ATP5PB: variants seen among roughly 807,000 people sequenced by gnomAD.
ATP5PB encodes ATP synthase peripheral stalk-membrane subunit b, also known as ATP synthase peripheral stalk subunit b, mitochondrial.
ATP5PB carries 21 observed loss-of-function variants against 34.5 expected under a neutral mutation model. The observed-to-expected ratio is 0.61, with a 90% CI of 0.43 to 0.88. The LOEUF (loss-of-function observed/expected upper bound fraction) is 0.88, where lower values mean the gene tolerates loss of function less well. Ranked by LOEUF, ATP5PB falls within the 40% of genes least tolerant of loss-of-function variation. The probability of loss-of-function intolerance (pLI) is 0.00; values close to 1 mark genes in which losing one functional copy is unlikely to be tolerated. For synonymous variants in ATP5PB, 108 were observed against 114.1 expected, an observed-to-expected ratio of 0.95 and a Z score of 0.34; for missense variants, 293 against 317.4, an observed-to-expected ratio of 0.92 and a Z score of 0.58.
chr1:111,453,743 T>A (rs575529161), intron 2 of ATP5PB, among the ~76,000 whole-genome samples: 2 of 152,312 alleles, frequency 1.3e-5, no homozygotes, highest in Non-Finnish European at 2.9e-5. Flanking sequence ...TCTAAGCACG[T>A]CACATATATT....
At position 111,449,597 on chromosome 1, in the gene ATP5PB, C is replaced by T. The variant is rs774056916; in HGVS notation, c.40+16C>T. ...GCCACAGCGGGTAAGGGGTATAGAC[C>T]CTGCTCTGGACTATCAGAGTGATTG... On this transcript the variant is annotated intron_variant, in intron 1 of 6. Transcript: ENST00000369722. The T allele has an allele frequency of 1.7e-5, 27 of 1,595,018 alleles. No individual in the cohort carries two copies. In the South Asian group the frequency reaches 2.5e-4, roughly 15 times the overall value.
rs1335567564 is a variant in ATP5PB at position 111,462,526 on chromosome 1, A to G, written c.*1532A>G. On this transcript the variant is annotated 3_prime_UTR_variant, in exon 7 of 7. Transcript: ENST00000369722. ...GTTTATCTGCATTTGATTCTCCCAT[A>G]CTTGTACAAGGATTTATTTGTATTC... The G allele has an allele frequency of 6.6e-6, 1 of 152,202 alleles. No homozygotes were observed. Among genetic ancestry groups the G allele is most frequent in the Non-Finnish European group, 1.5e-5 (1 of 68,028 alleles). The allele number at this position is 152,202 out of a possible 1,614,324, so 9.4% of individuals were successfully genotyped here.
At position 111,456,192 on chromosome 1, in the gene ATP5PB, C is replaced by G. The variant is rs754949769; in HGVS notation, c.330C>G (p.Val110=). 3 of 1,610,418 alleles carry G rather than the reference C, an allele frequency of 1.9e-6. No homozygotes were observed. The highest frequency in any genetic ancestry group is 2.5e-6 in the Non-Finnish European group (3 of 1,178,510). Residue 110 remains valine, a synonymous_variant, in exon 4 of 7, where the codon GTC becomes GTG. Coordinates refer to ENST00000369722, the MANE Select transcript of ATP5PB (RefSeq NM_001688.5). ...CCCTATCAGTACTAGGTGTAATGGTCTATGGAATTAAAAAATATGGTCCCT... is the reference window on the plus strand; with the variant it reads ...CCCTATCAGTACTAGGTGTAATGGTGTATGGAATTAAAAAATATGGTCCCT... The part of the protein sequence containing the change: ...FTALSVLGVM[V]YGIKKYGPFV...
chr1:111,456,257 C>T lies in ATP5PB; in HGVS notation c.387+8C>T. On this transcript the variant is annotated splice_region_variant and intron_variant, in intron 4 of 6. Transcript: ENST00000369722. ...GCTGATAAACTCAATGAGGTAAGAA[C>T]CATAAACTTTATTTCCTATTTTAGA... The T allele has an allele frequency of 6.4e-7, 1 of 1,565,922 alleles. No individual in the cohort carries two copies. The highest frequency in any genetic ancestry group is 8.6e-7 in the Non-Finnish European group (1 of 1,158,750).
Position 111,454,383 on chromosome 1 carries a change from AAT to A in ATP5PB, c.223+30_223+31del, listed in dbSNP as rs778636786. The A allele has an allele frequency of 1.3e-5, 20 of 1,568,454 alleles. No individual in the cohort carries two copies. The South Asian group carries it at 2.3e-4, about 18-fold the overall frequency. ...TGAGCATTTTTGCCTAGTCTCTGGT[AAT>A]ATGTTTTGATGGCACCACTAAAATC... On this transcript the variant is annotated intron_variant, in intron 3 of 6. Coordinates refer to ENST00000369722, the MANE Select transcript of ATP5PB (RefSeq NM_001688.5).
Position 111,449,855 on chromosome 1 carries a change from C to A in ATP5PB, c.59C>A (p.Ala20Glu), listed in dbSNP as rs1291259880. ...AATAAPSLKN[A>E]AFLGPGVLQA... is the part of the protein sequence containing the mutation. The stretch of plus-strand genomic sequence containing the variant: ...TCTGCAGCCCCCTCTCTGAAGAATG[C>A]AGCCTTCCTAGGTCCAGGGTAAGTG... The change falls in exon 2 of 7, where the codon GCA becomes GAA. Residue 20 changes from alanine to glutamate, a missense_variant. By Grantham distance (107) the Ala-to-Glu change is moderately radical (BLOSUM62 -1). Transcript: ENST00000369722. 1 of 1,614,066 alleles carries A rather than the reference C, an allele frequency of 6.2e-7. No homozygotes were observed. Among genetic ancestry groups the A allele is most frequent in the African/African-American group, 1.3e-5 (1 of 74,922 alleles).
At chr1:111,455,183 A>C (rs1171320778) in intron 3 of ATP5PB, among the ~76,000 whole-genome samples, 1 of 152,194 alleles carries the variant, frequency 6.6e-6, no homozygotes, top group Non-Finnish European at 1.5e-5. Context: ...AGTCACCTAA[A>C]GTAGCATTTT....
Position 111,462,544 on chromosome 1 carries a change from T to G in ATP5PB, c.*1550T>G, listed in dbSNP as rs1653652678. Reference sequence around the variant, plus strand: ...CTCCCATACTTGTACAAGGATTTATTTGTATTCAAATGGACAAATTACGCA... The same window carrying G: ...CTCCCATACTTGTACAAGGATTTATGTGTATTCAAATGGACAAATTACGCA... On this transcript the variant is annotated 3_prime_UTR_variant, in exon 7 of 7. Coordinates refer to ENST00000369722, the MANE Select transcript of ATP5PB (RefSeq NM_001688.5). The G allele has an allele frequency of 2.6e-5, 4 of 152,374 alleles. No individual in the cohort carries two copies. In the South Asian group the frequency reaches 8.3e-4, roughly 32 times the overall value. 9.4% of individuals were successfully genotyped at this position (152,374 alleles called of 1,614,324 possible). A position where few individuals can be genotyped will look rare whatever the true frequency, so the allele number is the denominator to read the frequency against.
In ATP5PB at chr1:111,449,568, C is replaced by G; in HGVS notation, c.27C>G (p.Ala9=). 6.2e-7 allele frequency: 1 copy of G among 1,609,606 alleles called. No individual in the cohort carries two copies. The highest frequency in any genetic ancestry group is 8.5e-7 in the Non-Finnish European group (1 of 1,177,470). MLSRVVLS[A]AATAAPSLKN... is the part of the protein sequence containing the mutation. ...TGCTGTCCCGGGTGGTACTTTCCGCCGCCGCCACAGCGGGTAAGGGGTATA... is the reference window on the plus strand; with the variant it reads ...TGCTGTCCCGGGTGGTACTTTCCGCGGCCGCCACAGCGGGTAAGGGGTATA... The change falls in exon 1 of 7, where the codon GCC becomes GCG. Residue 9 remains alanine, a synonymous_variant. Coordinates refer to ENST00000369722, the MANE Select transcript of ATP5PB (RefSeq NM_001688.5).
intron 2 of ATP5PB, among the ~76,000 whole-genome samples, chr1:111,452,119 CAA>C (rs112587127): frequency 3.0e-4 from 33 of 109,642 alleles, no homozygotes; most frequent in African/African-American, 5.2e-4. Flanking sequence ...GACTTTGTCT[CAA>C]AAAAAAAAAA....
chr1:111,458,783 A>G (rs757723012), intron 5 of ATP5PB, among the ~76,000 whole-genome samples: 17 of 152,298 alleles, frequency 1.1e-4, no homozygotes, highest in Non-Finnish European at 2.9e-5. Flanking sequence ...GGCCTTATGT[A>G]GCCTTACTGC....
chr1:111,460,657 A>G (rs1487026263), intron 6 of ATP5PB, among the ~76,000 whole-genome samples: 1 of 152,192 alleles, frequency 6.6e-6, no homozygotes, highest in Non-Finnish European at 1.5e-5. Context: ...CTGGCCTCAA[A>G]TTCTATACAG....
chr1:111,451,508 C>T (rs1653333599), intron 2 of ATP5PB, among the ~76,000 whole-genome samples: 2 of 152,162 alleles, frequency 1.3e-5, no homozygotes, highest in Admixed American at 6.5e-5. Context: ...ATGTTGAAGG[C>T]TGGAGCTTTG....
At chr1:111,456,876 T>C (rs931566231) in intron 5 of ATP5PB, 121 bp downstream of exon 5, 2 of 1,276,746 alleles carry the variant, frequency 1.6e-6, no homozygotes, top group Non-Finnish European at 2.1e-6. Context: ...AAAGAGAAGA[T>C]TTGTGTAGGA....
chr1:111,456,785 A>C (rs2101758643), intron 5 of ATP5PB, 30 bp downstream of exon 5: 1 of 1,576,990 alleles, frequency 6.3e-7, no homozygotes, highest in Non-Finnish European at 8.6e-7. Context: ...AGGAAGAATG[A>C]AGTTACTTGT....
rs533112094 is a variant in ATP5PB at position 111,462,322 on chromosome 1, G to A, written c.*1328G>A. 1.3e-5 allele frequency: 2 copies of A among 152,358 alleles called. No individual in the cohort carries two copies. The highest frequency in any genetic ancestry group is 4.1e-4 in the South Asian group (2 of 4,824). The allele number at this position is 152,358 out of a possible 1,614,324, so 9.4% of individuals were successfully genotyped here. A position where few individuals can be genotyped will look rare whatever the true frequency, so the allele number is the denominator to read the frequency against. On this transcript the variant is annotated 3_prime_UTR_variant, in exon 7 of 7. Coordinates refer to ENST00000369722, the MANE Select transcript of ATP5PB (RefSeq NM_001688.5). ...CATGAATGAACCTTGAGGACGTTAT[G>A]CAGTTTTACAGGATGAGTTATGGAG...
Position 111,449,596 on chromosome 1 carries a change from C to T in ATP5PB, c.40+15C>T, listed in dbSNP as rs1379255534. ...CGCCACAGCGGGTAAGGGGTATAGA[C>T]CCTGCTCTGGACTATCAGAGTGATT... On this transcript the variant is annotated intron_variant, in intron 1 of 6. Transcript: ENST00000369722. The T allele has an allele frequency of 4.4e-6, 7 of 1,596,276 alleles. No individual in the cohort carries two copies. The highest frequency in any genetic ancestry group is 1.1e-5 in the South Asian group (1 of 88,528).
chr1:111,449,706 G>C, intron 1 of ATP5PB, 125 bp downstream of exon 1: 1 of 1,559,296 alleles, frequency 6.4e-7, no homozygotes, highest in South Asian at 1.1e-5. Flanking sequence ...GTGCAGTTCG[G>C]AAGGGAGCGT....
At chr1:111,449,815 C>T (rs749360887) in intron 1 of ATP5PB, 22 bp from the exon 2 acceptor site, 6 of 1,614,134 alleles carry the variant, frequency 3.7e-6, no homozygotes, top group Middle Eastern at 1.6e-4. Context: ...ACTTTGCTGA[C>T]CTTCGCCTTG....
Sources: gnomAD v4.1 joint callset for allele counts (sites outside exome capture counted in the v4.1 genomes callset) on GRCh38, gnomAD v4.1.1 for gene constraint, MANE v1.5 for transcripts, NCBI Gene and HGNC (gene_info 2026-07-23, HGNC 2026-07-21) for gene names.